CSMD1: variants seen among roughly 807,000 people sequenced by gnomAD.
CSMD1 encodes the protein CUB and sushi domain-containing protein 1.
In CSMD1, 213 loss-of-function variants were observed where a neutral mutation model predicts 417.5. The ratio of observed to expected loss-of-function variants is 0.51; its 90% CI spans 0.46 to 0.57. The LOEUF (loss-of-function observed/expected upper bound fraction) is 0.57. CSMD1 is among the 20% of genes least tolerant of loss of function. CSMD1 has a pLI of 0.00. For synonymous variants in CSMD1, 2,862 were observed against 1,736.8 expected (o/e 1.65, Z -16.11); for missense variants, 6,923 against 4,529.7 (o/e 1.53, Z -15.17).
intron 5 of CSMD1, among the ~76,000 whole-genome samples, chr8:3,834,200 T>C (rs902456296): frequency 6.6e-6 from 1 of 152,260 alleles, no homozygotes; most frequent in East Asian, 1.9e-4. Flanking sequence ...TATTTTAAAA[T>C]TTTTTTTCTT....
At chr8:4,701,107 T>A (rs1268670881) in intron 1 of CSMD1, among the ~76,000 whole-genome samples, 1 of 151,948 alleles carries the variant, frequency 6.6e-6, no homozygotes, top group Admixed American at 6.6e-5. Context: ...GGATGAAAGG[T>A]GAATGTTGCA....
At chr8:4,568,357 G>T (rs1798718561) in intron 2 of CSMD1, among the ~76,000 whole-genome samples, 1 of 152,096 alleles carries the variant, frequency 6.6e-6, no homozygotes, top group Non-Finnish European at 1.5e-5. Context: ...TCCCACTTAT[G>T]ACTGAGAACA....
chr8:3,959,841 G>C (rs1294654638), intron 5 of CSMD1, among the ~76,000 whole-genome samples: 3 of 152,192 alleles, frequency 2.0e-5, no homozygotes, highest in Middle Eastern at 3.2e-3. Flanking sequence ...GTGATGTAGA[G>C]AAAAACTTTC....
intron 1 of CSMD1, among the ~76,000 whole-genome samples, chr8:4,986,046 T>C (rs1420489723): frequency 6.6e-6 from 1 of 152,206 alleles, no homozygotes; most frequent in East Asian, 1.9e-4. Context: ...CCAGCTGTAT[T>C]ATACATCAAA....
intron 2 of CSMD1, among the ~76,000 whole-genome samples, chr8:4,490,432 T>C (rs1157227835): frequency 2.0e-5 from 3 of 152,238 alleles, no homozygotes; most frequent in East Asian, 1.9e-4. Context: ...TATCTACTAT[T>C]GGTTTTAACT....
chr8:4,753,391 T>G (rs1247895428), intron 1 of CSMD1, among the ~76,000 whole-genome samples: 1 of 147,310 alleles, frequency 6.8e-6, no homozygotes, highest in Non-Finnish European at 1.5e-5. Flanking sequence ...CTTCCCTACT[T>G]TCCACCATAA....
intron 1 of CSMD1, among the ~76,000 whole-genome samples, chr8:4,664,219 G>T (rs148803336): frequency 6.6e-6 from 1 of 152,104 alleles, no homozygotes; most frequent in Non-Finnish European, 1.5e-5. Context: ...ATTATCTTGG[G>T]GACATTTAAG....
At chr8:3,322,469 G>A (rs921143454) in intron 23 of CSMD1, among the ~76,000 whole-genome samples, 3 of 152,150 alleles carry the variant, frequency 2.0e-5, no homozygotes, top group African/African-American at 4.8e-5. Context: ...TATAGATCTT[G>A]TTTTACGCTA....
rs71209112 is a variant in CSMD1 at position 4,680,950 on chromosome 8, A to ATGTG, written c.86-43396_86-43393dup. ...ACAAACCCCTAATCTATCTATATTG[A>ATGTG]TGTGTGTGTGTGTGTGTGTGTGTGT... On this transcript the variant is annotated intron_variant, in intron 1 of 69. Transcript: ENST00000635120. 4.2e-4 allele frequency among the ~76,000 whole-genome samples: 61 copies of ATGTG among 144,476 alleles called. 1 individual carries two copies. The South Asian group carries it at 6.7e-3, about 16-fold the overall frequency. The allele number at this position is 144,476 out of a possible 152,430, so 94.8% of individuals were successfully genotyped here.
chr8:4,474,506 A>G (rs1800696126), intron 2 of CSMD1, among the ~76,000 whole-genome samples: 1 of 152,184 alleles, frequency 6.6e-6, no homozygotes, highest in African/African-American at 2.4e-5. Flanking sequence ...AGTCTTAGAG[A>G]GCAGATTAGT....
At chr8:3,791,441 G>C (rs1322029159) in intron 5 of CSMD1, among the ~76,000 whole-genome samples, 2 of 152,182 alleles carry the variant, frequency 1.3e-5, no homozygotes, top group Non-Finnish European at 2.9e-5. Context: ...CAGCATCCTA[G>C]CATAGTGCTG....
chr8:3,882,197 A>G (rs1395584829), intron 5 of CSMD1, among the ~76,000 whole-genome samples: 5 of 152,168 alleles, frequency 3.3e-5, no homozygotes, highest in Non-Finnish European at 5.9e-5. Flanking sequence ...AATCAACAAG[A>G]AAGAGAGAGA....
chr8:3,771,756 T>C (rs1328934492), intron 5 of CSMD1, among the ~76,000 whole-genome samples: 2 of 152,142 alleles, frequency 1.3e-5, no homozygotes, highest in African/African-American at 4.8e-5. Context: ...TGTGTTCAAA[T>C]GACAGCATCA....
chr8:4,693,309 A>T (rs1262708248), intron 1 of CSMD1, among the ~76,000 whole-genome samples: 1 of 152,232 alleles, frequency 6.6e-6, no homozygotes, highest in African/African-American at 2.4e-5. Flanking sequence ...TAGCAAAAAC[A>T]TCATAACTTT....
At chr8:3,767,794 C>T (rs143832579) in intron 5 of CSMD1, among the ~76,000 whole-genome samples, 9 of 152,256 alleles carry the variant, frequency 5.9e-5, no homozygotes, top group East Asian at 1.9e-4. Flanking sequence ...CATCTTCTCA[C>T]GTACACGGGC....
chr8:3,480,766 C>T (rs866517738), intron 11 of CSMD1, among the ~76,000 whole-genome samples: 1 of 152,270 alleles, frequency 6.6e-6, no homozygotes, highest in African/African-American at 2.4e-5. Flanking sequence ...GAAGGAAGAA[C>T]TGACAACCAC....
chr8:3,532,199 A>C (rs760060912), intron 10 of CSMD1, among the ~76,000 whole-genome samples: 1 of 152,126 alleles, frequency 6.6e-6, no homozygotes, highest in Non-Finnish European at 1.5e-5. Context: ...CACCCTTAGT[A>C]TGTCCGTGTC....
intron 41 of CSMD1, among the ~76,000 whole-genome samples, chr8:3,137,845 A>C (rs1043574147): frequency 3.9e-5 from 6 of 152,240 alleles, no homozygotes; most frequent in Non-Finnish European, 8.8e-5. Flanking sequence ...TCATGGATGC[A>C]GAGGGCTGAC....
intron 26 of CSMD1, among the ~76,000 whole-genome samples, chr8:3,255,650 C>A (rs539024559): frequency 1.3e-5 from 2 of 152,184 alleles, no homozygotes; most frequent in East Asian, 3.9e-4. Context: ...GCTCTGTGGG[C>A]GTAGGACCCT....
Sources: allele counts gnomAD v4.1 joint callset (sites outside exome capture counted in the v4.1 genomes callset), GRCh38; gene constraint gnomAD v4.1.1; transcripts MANE v1.5; gene names NCBI Gene and HGNC (gene_info 2026-07-23, HGNC 2026-07-21).